Variants in ZNF787 observed in about 807,000 individuals in gnomAD.
ZNF787 encodes the protein TTF-I-interacting peptide 20.
A neutral mutation model predicts 16.9 loss-of-function variants in ZNF787; 7 were observed. The ratio of observed to expected loss-of-function variants is 0.42; its 90% CI spans 0.24 to 0.78. The LOEUF is 0.78. Among genes scored for constraint, ZNF787 ranks in the 30% least tolerant of loss-of-function variants. The pLI, the probability that ZNF787 is intolerant of heterozygous loss-of-function variation, is 0.30. For missense variants in ZNF787, 551 were observed against 589.3 expected (o/e 0.94, Z 0.67); for synonymous variants, 345 against 270.9 (o/e 1.27, Z -2.69).
At chr19:56,113,446 C>T (rs1276868383) in intron 1 of ZNF787, among the ~76,000 whole-genome samples, 1 of 152,222 alleles carries the variant, frequency 6.6e-6, no homozygotes, top group Non-Finnish European at 1.5e-5. Flanking sequence ...TCAGGCATAA[C>T]AGCCGAAATG....
chr19:56,107,279 C>CACACAT (rs1247834922), intron 1 of ZNF787, among the ~76,000 whole-genome samples: 1 of 152,188 alleles, frequency 6.6e-6, no homozygotes, highest in Non-Finnish European at 1.5e-5. Flanking sequence ...AGTTCACACA[C>CACACAT]AGACCATCAG....
At chr19:56,107,048 T>C (rs568318907) in intron 1 of ZNF787, among the ~76,000 whole-genome samples, 1 of 152,178 alleles carries the variant, frequency 6.6e-6, no homozygotes, top group Non-Finnish European at 1.5e-5. Flanking sequence ...TAAATTCATG[T>C]GCACAGATAT....
chr19:56,110,400 G>A (rs2029946433), intron 1 of ZNF787, among the ~76,000 whole-genome samples: 1 of 151,814 alleles, frequency 6.6e-6, no homozygotes, highest in African/African-American at 2.4e-5. Context: ...ACGAAATGTT[G>A]TAATACATTA....
intron 1 of ZNF787, among the ~76,000 whole-genome samples, chr19:56,108,200 G>A (rs924997838): frequency 5.9e-5 from 9 of 152,046 alleles, no homozygotes; most frequent in Middle Eastern, 3.4e-3. Context: ...AGGAGGCGCC[G>A]CTCCCCGCTC....
At chr19:56,089,609 G>A (rs1004978575) in intron 2 of ZNF787, among the ~76,000 whole-genome samples, 4 of 152,146 alleles carry the variant, frequency 2.6e-5, no homozygotes, top group Admixed American at 2.6e-4. Context: ...TCACATTCGG[G>A]CTCCAGGAAG....
chr19:56,109,331 G>C (rs182039260), intron 1 of ZNF787, among the ~76,000 whole-genome samples: 714 of 152,138 alleles, frequency 4.7e-3, no homozygotes, highest in Non-Finnish European at 7.3e-3. Flanking sequence ...CAGCAGATGC[G>C]AGAAGGGTGC....
At position 56,087,746 on chromosome 19, in the gene ZNF787, G is replaced by C. The variant is rs1340445715; in HGVS notation, c.*277C>G. The C allele has an allele frequency of 3.4e-5, 12 of 351,170 alleles. No individual in the cohort carries two copies. The highest frequency in any genetic ancestry group is 5.6e-5 in the Non-Finnish European group (12 of 213,094). The allele number at this position is 351,170 out of a possible 1,614,324, so 21.8% of individuals were successfully genotyped here. A position where few individuals can be genotyped will look rare whatever the true frequency, so the allele number is the denominator to read the frequency against. On this transcript the variant is annotated 3_prime_UTR_variant, in exon 3 of 3. Coordinates refer to ENST00000610935, the MANE Select transcript of ZNF787 (RefSeq NM_001002836.4). ...GGGGCCTGGTCGCCACTCGGCCTCT[G>C]CAGTTCTCTCCATTGTCTCTCCGGC...
At chr19:56,116,610 T>TA (rs913916247) in intron 1 of ZNF787, among the ~76,000 whole-genome samples, 27 of 150,818 alleles carry the variant, frequency 1.8e-4, no homozygotes, top group East Asian at 7.8e-4. Context: ...GCCTTTATAT[T>TA]AAAAAAAAAG....
intron 2 of ZNF787, among the ~76,000 whole-genome samples, chr19:56,089,862 C>G (rs758986392): frequency 2.6e-5 from 4 of 152,312 alleles, no homozygotes; most frequent in Non-Finnish European, 5.9e-5. Flanking sequence ...TGCACCAGGC[C>G]TGCCCCTGGG....
rs1985403020 is a variant in ZNF787, at chr19:56,088,154, C to T, written c.1018G>A (p.Ala340Thr). 6 of 1,555,128 alleles carry T rather than the reference C, an allele frequency of 3.9e-6. No individual in the cohort carries two copies. The highest frequency in any genetic ancestry group is 1.8e-5 in the Admixed American group (1 of 55,068). The change falls in exon 3 of 3, where the codon GCG (alanine) becomes ACG (threonine). Residue 340 changes from alanine to threonine, a missense_variant. Ala to Thr is a moderately conservative substitution (Grantham distance 58, BLOSUM62 0). Transcript: ENST00000610935. This position sits in a 1 kb window ranked among gnomAD's most constrained non-coding sequence, Gnocchi z 8.6. ...CTGCAGACCGAGGGCGCGCCCACCG[C>T]GTGGATCTTCTTGTGTCTCCGGAGC... Reference protein sequence around the residue: ...AALRRHKKIHAVGAPSVCSSC... With the variant: ...AALRRHKKIHTVGAPSVCSSC...
At chr19:56,115,683 A>G (rs1300765683) in intron 1 of ZNF787, among the ~76,000 whole-genome samples, 2 of 151,978 alleles carry the variant, frequency 1.3e-5, no homozygotes, top group Non-Finnish European at 2.9e-5. Context: ...TCCCCGTCAG[A>G]GCCGTCTTCC....
chr19:56,091,930 G>C (rs62122404), intron 2 of ZNF787, among the ~76,000 whole-genome samples: 2 of 85,196 alleles, frequency 2.3e-5, no homozygotes, highest in Non-Finnish European at 6.2e-5. Flanking sequence ...AGCCGAAGCC[G>C]AAGCCGAAGC....
intron 1 of ZNF787, among the ~76,000 whole-genome samples, chr19:56,103,897 G>GACA (rs376721903): frequency 3.0e-5 from 1 of 33,442 alleles, no homozygotes; most frequent in African/African-American, 1.2e-4. Flanking sequence ...CCCTACGCAC[G>GACA]CCGCCGACCC....
chr19:56,117,227 A>G lies in ZNF787; in HGVS notation c.-11+3945T>C, dbSNP rs111394796. 8.9e-3 allele frequency among the ~76,000 whole-genome samples: 1,344 copies of G among 150,188 alleles called. 42 individuals carry two copies. The highest frequency in any genetic ancestry group is 0.032 in the African/African-American group (1,273 of 39,494). Reference sequence around the variant, plus strand: ...AGACAAGGAAACTGAGGCTTCCACAAGCAGAGTGGCTAGTACAGTATCACA... The same window carrying G: ...AGACAAGGAAACTGAGGCTTCCACAGGCAGAGTGGCTAGTACAGTATCACA... On this transcript the variant is annotated intron_variant, in intron 1 of 2. Transcript: ENST00000610935.
At position 56,088,459 on chromosome 19, in the gene ZNF787, C is replaced by T; in HGVS notation, c.713G>A (p.Gly238Asp). Residue 238 changes from glycine (G) to aspartate (D), a missense_variant, in exon 3 of 3, where the codon GGC becomes GAC. Gly to Asp is a moderately conservative substitution (Grantham distance 94, BLOSUM62 -1). Around this residue, in one of 4 missense-constraint regions of ZNF787, gnomAD observed 392 missense variants for 312.7 expected, o/e 1.25. Coordinates refer to ENST00000610935, the MANE Select transcript of ZNF787 (RefSeq NM_001002836.4). This position sits in a 1 kb window ranked among gnomAD's most constrained non-coding sequence, Gnocchi z 8.6. ...CACCACGATGATGCCCTCGCCATCG[C>T]CCACGGGGATGGCGATCTCGCCGTC... ...AADGEIAIPV[G>D]DGEGIIVVGA... The T allele has an allele frequency of 7.6e-7, 1 of 1,311,154 alleles. No homozygotes were observed. The highest frequency in any genetic ancestry group is 9.7e-7 in the Non-Finnish European group (1 of 1,031,144). The allele number at this position is 1,311,154 out of a possible 1,614,324, so 81.2% of individuals were successfully genotyped here.
At chr19:56,115,157 C>A (rs911307550) in intron 1 of ZNF787, among the ~76,000 whole-genome samples, 2 of 152,058 alleles carry the variant, frequency 1.3e-5, no homozygotes, top group African/African-American at 4.8e-5. Flanking sequence ...CTCTACACAC[C>A]CTTTCCTGTT....
intron 1 of ZNF787, among the ~76,000 whole-genome samples, chr19:56,109,021 G>C (rs2029903757): frequency 1.3e-5 from 2 of 152,130 alleles, no homozygotes; most frequent in Non-Finnish European, 2.9e-5. Context: ...CGGGGAGGTG[G>C]GTGGAGTCAC....
chr19:56,089,354 T>G (rs1026440991), intron 2 of ZNF787, among the ~76,000 whole-genome samples: 11 of 152,064 alleles, frequency 7.2e-5, no homozygotes, highest in African/African-American at 2.7e-4. Flanking sequence ...AGGCCTGGTC[T>G]GTAAACAACC....
chr19:56,087,767 C>A lies in ZNF787; in HGVS notation c.*256G>T. On this transcript the variant is annotated 3_prime_UTR_variant, in exon 3 of 3. Coordinates refer to ENST00000610935, the MANE Select transcript of ZNF787 (RefSeq NM_001002836.4). Reference sequence around the variant, plus strand: ...CTCTGCAGTTCTCTCCATTGTCTCTCCGGCTCGCAGGCCGATAACTTAGGA... The same window carrying A: ...CTCTGCAGTTCTCTCCATTGTCTCTACGGCTCGCAGGCCGATAACTTAGGA... The A allele has an allele frequency of 2.2e-6, 1 of 452,798 alleles. No individual in the cohort carries two copies. The allele number at this position is 452,798 out of a possible 1,614,324, so 28.0% of individuals were successfully genotyped here.
Sources: gnomAD v4.1 joint callset for allele counts (sites outside exome capture counted in the v4.1 genomes callset) on GRCh38, gnomAD v4.1.1 for gene constraint, gnomAD v4.1.1 regional missense constraint, Gnocchi (gnomAD v3.1) non-coding constraint, MANE v1.5 for transcripts, NCBI Gene and HGNC (gene_info 2026-07-23, HGNC 2026-07-21) for gene names.